The following PTPRO variants were observed in gnomAD, a reference collection of about 807,000 sequenced individuals.
The protein encoded by PTPRO is receptor-type tyrosine-protein phosphatase O.
PTPRO carries 62 observed loss-of-function variants against 145.2 expected under a neutral mutation model. The observed-to-expected ratio is 0.43, with a 90% CI of 0.35 to 0.53. PTPRO has a LOEUF of 0.53. Ranked by LOEUF, PTPRO falls within the 20% of genes least tolerant of loss-of-function variation. The probability of loss-of-function intolerance (pLI) is 0.01; values close to 1 mark genes in which losing one functional copy is unlikely to be tolerated. For missense variants in PTPRO, 1,345 were observed against 1,482.7 expected, an observed-to-expected ratio of 0.91 and a Z score of 1.53; for synonymous variants, 565 against 514.7, an observed-to-expected ratio of 1.10 and a Z score of -1.32.
Position 15,526,169 on chromosome 12 carries a change from C to T in PTPRO, c.2071C>T (p.Leu691Phe). The T allele has an allele frequency of 6.2e-7, 1 of 1,614,002 alleles. No homozygotes were observed. Among genetic ancestry groups the T allele is most frequent in the African/African-American group, 1.3e-5 (1 of 75,046 alleles). Residue 691 changes from leucine (L) to phenylalanine (F), a missense_variant, in exon 12 of 27, where the codon CTC becomes TTC. Coordinates refer to ENST00000281171, the MANE Select transcript of PTPRO (RefSeq NM_030667.3). The part of the protein sequence containing the change: ...SVTRNVMTAI[L>F]SLPPGDIYNL... ...AACACGCAATGTCATGACTGCAATT[C>T]TCAGCTTGCCTCCAGGCGACATCTA...
rs774928123 is a variant in PTPRO at position 15,424,064 on chromosome 12, A to G, written c.76-59910A>G. Among the ~76,000 whole-genome samples the G allele has an allele frequency of 3.5e-4, 53 of 152,238 alleles. 1 individual carries two copies. The highest frequency in any genetic ancestry group is 1.6e-4 in the Non-Finnish European group (11 of 68,026). On this transcript the variant is annotated intron_variant, in intron 1 of 26. Coordinates refer to ENST00000281171, the MANE Select transcript of PTPRO (RefSeq NM_030667.3). ...AGCATCCCTGACTTTGCTGGACAGC[A>G]TTTCCAATTATCAGCATCTTCTGGC... is the stretch of plus-strand genomic sequence containing the variant.
intron 23 of PTPRO, among the ~76,000 whole-genome samples, chr12:15,586,177 C>G (rs1347130557): frequency 6.6e-6 from 1 of 152,150 alleles, no homozygotes; most frequent in African/African-American, 2.4e-5. Flanking sequence ...AAGCCCAAGA[C>G]AAGGATTCTC....
At chr12:15,511,293 C>T (rs1444353205) in intron 7 of PTPRO, among the ~76,000 whole-genome samples, 9 of 152,136 alleles carry the variant, frequency 5.9e-5, no homozygotes, top group Non-Finnish European at 1.0e-4. Flanking sequence ...TTTCCTCCTC[C>T]AACACACACC....
At chr12:15,354,647 G>A (rs1392838064) in intron 1 of PTPRO, among the ~76,000 whole-genome samples, 1 of 152,008 alleles carries the variant, frequency 6.6e-6, no homozygotes, top group East Asian at 1.9e-4. Flanking sequence ...CTACTTTAAG[G>A]TGTGCATTTG....
In PTPRO at chr12:15,595,051, C is replaced by T. The variant is rs200743664; in HGVS notation, c.*10C>T. 22 of 1,601,412 alleles carry T rather than the reference C, an allele frequency of 1.4e-5. No individual in the cohort carries two copies. Among genetic ancestry groups the T allele is most frequent in the Middle Eastern group, 1.7e-4 (1 of 6,030 alleles). ...TGTTAGCAAGTCCTAGTTCAGAATC[C>T]GGAGCAGTAAGTGGAGAAGAGCTCT... is the stretch of plus-strand genomic sequence containing the variant. On this transcript the variant is annotated 3_prime_UTR_variant, in exon 26 of 27. Transcript: ENST00000281171.
chr12:15,418,881 T>G (rs761880787), intron 1 of PTPRO, among the ~76,000 whole-genome samples: 56 of 151,644 alleles, frequency 3.7e-4, no homozygotes, highest in Non-Finnish European at 6.3e-4. Flanking sequence ...AATACTAAAG[T>G]CCTTCCTTGC....
intron 1 of PTPRO, among the ~76,000 whole-genome samples, chr12:15,453,150 C>T (rs1181006938): frequency 6.6e-6 from 1 of 151,850 alleles, no homozygotes; most frequent in Non-Finnish European, 1.5e-5. Flanking sequence ...AAAATCTGGA[C>T]CGGCTAATTT....
At chr12:15,540,382 G>A (rs551402578) in intron 12 of PTPRO, among the ~76,000 whole-genome samples, 49 of 152,312 alleles carry the variant, frequency 3.2e-4, no homozygotes, top group Middle Eastern at 3.4e-3. Context: ...TTATCAGTGA[G>A]GCTAAAGATT....
At chr12:15,500,737 C>T (rs745442810) in intron 4 of PTPRO, among the ~76,000 whole-genome samples, 3 of 152,092 alleles carry the variant, frequency 2.0e-5, no homozygotes, top group African/African-American at 4.8e-5. Context: ...GCCTAGCCAA[C>T]GTGGTGAAAC....
rs140827617 is a variant in PTPRO at position 15,475,925 on chromosome 12, C to T, written c.76-8049C>T. Among the ~76,000 whole-genome samples, 35 of 152,224 alleles carry T rather than the reference C, an allele frequency of 2.3e-4. No homozygotes were observed. The East Asian group carries it at 5.8e-3, about 25-fold the overall frequency. On this transcript the variant is annotated intron_variant, in intron 1 of 26. Transcript: ENST00000281171. ...CTTTCTTTTCCTCGTACCCAAGTCT[C>T]CTCTATCCAATGAGGACATCTCAGC...
intron 9 of PTPRO, among the ~76,000 whole-genome samples, chr12:15,519,960 T>C (rs549272878): frequency 6.6e-6 from 1 of 152,322 alleles, no homozygotes; most frequent in Admixed American, 6.5e-5. Flanking sequence ...ATCAAACAAA[T>C]ATTGGAAATC....
At chr12:15,376,523 C>A (rs557308230) in intron 1 of PTPRO, among the ~76,000 whole-genome samples, 1 of 152,196 alleles carries the variant, frequency 6.6e-6, no homozygotes, top group African/African-American at 2.4e-5. Flanking sequence ...AATACAGAGC[C>A]TCCAGAAAGA....
chr12:15,581,297 T>TC (rs1491582920), intron 22 of PTPRO, among the ~76,000 whole-genome samples: 2 of 86,956 alleles, frequency 2.3e-5, no homozygotes, highest in Non-Finnish European at 5.0e-5. Context: ...CTGAGTGCTT[T>TC]CTTTTTTTTT....
At chr12:15,588,280 C>G (rs1206200694) in intron 24 of PTPRO, among the ~76,000 whole-genome samples, 1 of 152,194 alleles carries the variant, frequency 6.6e-6, no homozygotes, top group Non-Finnish European at 1.5e-5. Flanking sequence ...GAAAAAGCAA[C>G]CCTTAAACTC....
At chr12:15,354,127 A>C (rs1292197129) in intron 1 of PTPRO, among the ~76,000 whole-genome samples, 2 of 152,128 alleles carry the variant, frequency 1.3e-5, no homozygotes, top group African/African-American at 4.8e-5. Context: ...TTTTTAAAAA[A>C]GGGCATTAAC....
At chr12:15,331,295 G>A (rs1273031171) in intron 1 of PTPRO, among the ~76,000 whole-genome samples, 2 of 152,116 alleles carry the variant, frequency 1.3e-5, no homozygotes, top group Non-Finnish European at 2.9e-5. Flanking sequence ...TAGGAAATAG[G>A]TAGGCTATTG....
intron 2 of PTPRO, 80 bp from the exon 3 acceptor site, chr12:15,497,165 C>T: frequency 7.6e-7 from 1 of 1,309,550 alleles, no homozygotes; most frequent in Admixed American, 1.7e-5. Context: ...TAGGTGTAAT[C>T]CTTGCTTAAT....
intron 1 of PTPRO, among the ~76,000 whole-genome samples, chr12:15,369,701 C>A (rs1938466903): frequency 2.0e-5 from 3 of 152,120 alleles, no homozygotes; most frequent in Non-Finnish European, 4.4e-5. Flanking sequence ...GATTATATAT[C>A]CTAGAATACG....
intron 21 of PTPRO, 75 bp downstream of exon 21, chr12:15,580,190 T>C: frequency 1.7e-6 from 2 of 1,145,566 alleles, no homozygotes; most frequent in Non-Finnish European, 1.3e-6. Flanking sequence ...TATGGATGTG[T>C]CAAACAGTTC....
Sources: gnomAD v4.1 joint callset for allele counts (sites outside exome capture counted in the v4.1 genomes callset) on GRCh38, gnomAD v4.1.1 for gene constraint, MANE v1.5 for transcripts, NCBI Gene and HGNC (gene_info 2026-07-23, HGNC 2026-07-21) for gene names.